Variants in PRRX2 observed in about 807,000 individuals in gnomAD.
PRRX2 encodes the protein paired mesoderm homeobox protein 2.
A neutral mutation model predicts 18.0 loss-of-function variants in PRRX2; 11 were observed. The ratio of observed to expected loss-of-function variants is 0.61; its 90% CI spans 0.39 to 1.01. The LOEUF is 1.01. Ranked by LOEUF, PRRX2 falls within the 50% of genes least tolerant of loss-of-function variation. The probability of loss-of-function intolerance (pLI) is 0.01; values close to 1 mark genes in which losing one functional copy is unlikely to be tolerated. For synonymous variants in PRRX2, 177 were observed against 154.8 expected, an observed-to-expected ratio of 1.14 and a Z score of -1.06; for missense variants, 387 against 351.0, an observed-to-expected ratio of 1.10 and a Z score of -0.82.
intron 1 of PRRX2, among the ~76,000 whole-genome samples, chr9:129,681,311 G>T (rs1832225997): frequency 6.6e-6 from 1 of 152,218 alleles, no homozygotes; most frequent in Admixed American, 6.5e-5. Context: ...CCTGAGGTCA[G>T]GTGTTCGAGA....
At chr9:129,714,177 C>T (rs1250341908) in intron 1 of PRRX2, among the ~76,000 whole-genome samples, 1 of 151,592 alleles carries the variant, frequency 6.6e-6, no homozygotes, top group Non-Finnish European at 1.5e-5. Flanking sequence ...ATGTGGCGGA[C>T]GCCTGTAATC....
At chr9:129,701,436 C>A (rs1193707862) in intron 1 of PRRX2, among the ~76,000 whole-genome samples, 1 of 152,236 alleles carries the variant, frequency 6.6e-6, no homozygotes, top group Admixed American at 6.5e-5. Context: ...CTGAGTCTCA[C>A]AGAGCTCACA....
rs150293718 is a variant in PRRX2, at chr9:129,722,246, C to T, written c.656C>T (p.Ser219Leu). The T allele has an allele frequency of 1.9e-5, 31 of 1,613,838 alleles. No homozygotes were observed. The African/African-American group carries it at 3.7e-4, about 19-fold the overall frequency. The change falls in exon 4 of 4, where the codon TCA becomes TTA. Residue 219 changes from serine (S) to leucine (L), a missense_variant. Ser to Leu is a moderately radical substitution (Grantham distance 145). Transcript: ENST00000372469. ...STVPPYSPGS[S>L]GPATPGVNMA... is the part of the protein sequence containing the mutation. ...GTGCCACCCTACAGCCCTGGGAGCT[C>T]AGGCCCCGCAACCCCAGGGGTCAAC...
intron 2 of PRRX2, 140 bp downstream of exon 2, chr9:129,719,558 C>T (rs888151862): frequency 9.0e-7 from 1 of 1,117,132 alleles, no homozygotes; most frequent in Non-Finnish European, 1.2e-6. Flanking sequence ...GTTCAGATCC[C>T]AGCCCTGCCA....
chr9:129,685,610 T>C (rs1564147744), intron 1 of PRRX2, among the ~76,000 whole-genome samples: 2 of 152,298 alleles, frequency 1.3e-5, no homozygotes, highest in African/African-American at 2.4e-5. Context: ...CCCAAAGTGT[T>C]GGGACTACAG....
intron 1 of PRRX2, among the ~76,000 whole-genome samples, chr9:129,701,519 C>T (rs1446953042): frequency 2.0e-5 from 3 of 152,146 alleles, no homozygotes; most frequent in Admixed American, 6.5e-5. Context: ...GCAGGTTGTC[C>T]ACTGCATAAC....
In PRRX2 at chr9:129,719,382, T is replaced by G. The variant is rs774394592; in HGVS notation, c.411T>G (p.Leu137=). The G allele has an allele frequency of 2.6e-6, 4 of 1,554,912 alleles. No individual in the cohort carries two copies. In the South Asian group the frequency reaches 4.7e-5, roughly 18 times the overall value. The stretch of plus-strand genomic sequence containing the variant: ...CCGACGCCTTTGTGCGCGAGGAGCT[T>G]GCCCGGCGCGTCAACCTCAGCGAGG... ...HYPDAFVREE[L]ARRVNLSEAR... The change falls in exon 2 of 4, where the codon CTT becomes CTG. Residue 137 remains leucine, a synonymous_variant. Coordinates refer to ENST00000372469, the MANE Select transcript of PRRX2 (RefSeq NM_016307.4).
chr9:129,713,774 G>A (rs1256056070), intron 1 of PRRX2, among the ~76,000 whole-genome samples: 2 of 151,704 alleles, frequency 1.3e-5, no homozygotes, highest in Non-Finnish European at 2.9e-5. Context: ...GGAATTACAG[G>A]TGCCCGCCAC....
chr9:129,708,709 T>G (rs878985299), intron 1 of PRRX2, among the ~76,000 whole-genome samples: 1 of 152,266 alleles, frequency 6.6e-6, no homozygotes, highest in Non-Finnish European at 1.5e-5. Context: ...CTTGTGTTTT[T>G]GATGTCACAT....
intron 2 of PRRX2, among the ~76,000 whole-genome samples, chr9:129,719,842 C>T (rs1256018350): frequency 1.3e-5 from 2 of 152,112 alleles, no homozygotes; most frequent in East Asian, 3.9e-4. Flanking sequence ...CAAAAATTAT[C>T]CGGGCGTGCT....
intron 1 of PRRX2, among the ~76,000 whole-genome samples, chr9:129,679,723 A>G (rs1044416427): frequency 6.6e-5 from 10 of 152,110 alleles, no homozygotes; most frequent in African/African-American, 2.4e-4. Flanking sequence ...GCTGAACGAA[A>G]CCAGAGGTGA....
intron 1 of PRRX2, among the ~76,000 whole-genome samples, chr9:129,678,274 CT>C (rs1302939951): frequency 6.6e-6 from 1 of 152,008 alleles, no homozygotes; most frequent in Non-Finnish European, 1.5e-5. Context: ...TAGGGGGCGG[CT>C]TTTTCAAGGG....
intron 1 of PRRX2, among the ~76,000 whole-genome samples, chr9:129,669,024 A>T (rs1249106386): frequency 6.6e-6 from 1 of 151,628 alleles, no homozygotes. Flanking sequence ...ACAGACGCCT[A>T]TAATCCCAGC....
At chr9:129,721,668 C>T (rs1442910692) in intron 3 of PRRX2, among the ~76,000 whole-genome samples, 1 of 152,154 alleles carries the variant, frequency 6.6e-6, no homozygotes, top group Non-Finnish European at 1.5e-5. Flanking sequence ...CAACCTCCGC[C>T]TCCCAGGCTC....
chr9:129,677,587 GA>G (rs1246522550), intron 1 of PRRX2, among the ~76,000 whole-genome samples: 1 of 152,246 alleles, frequency 6.6e-6, no homozygotes, highest in African/African-American at 2.4e-5. Context: ...CACCCATGCA[GA>G]CACTGGGCCG....
intron 1 of PRRX2, among the ~76,000 whole-genome samples, chr9:129,679,369 C>T (rs1401130616): frequency 6.6e-6 from 1 of 152,028 alleles, no homozygotes; most frequent in East Asian, 1.9e-4. Flanking sequence ...CTGTGAGGGC[C>T]CACCTCCATC....
chr9:129,686,040 C>T (rs1471236330), intron 1 of PRRX2, among the ~76,000 whole-genome samples: 1 of 152,182 alleles, frequency 6.6e-6, no homozygotes, highest in Non-Finnish European at 1.5e-5. Context: ...AAAAGTCTTC[C>T]AGCCAGGGGG....
chr9:129,702,586 G>A lies in PRRX2; in HGVS notation c.260-16645G>A, dbSNP rs550008429. Among the ~76,000 whole-genome samples, 135 of 152,342 alleles carry A rather than the reference G, an allele frequency of 8.9e-4. 1 individual carries two copies. Among genetic ancestry groups the A allele is most frequent in the African/African-American group, 3.0e-3 (125 of 41,578 alleles). On this transcript the variant is annotated intron_variant, in intron 1 of 3. Transcript: ENST00000372469. ...GTGAGAATTTCATTGAGATGGCCACGTGCAGCTCGTTGCTCCCACGTTGGA... is the reference window on the plus strand; with the variant it reads ...GTGAGAATTTCATTGAGATGGCCACATGCAGCTCGTTGCTCCCACGTTGGA...
At chr9:129,681,984 AT>A (rs1832237673) in intron 1 of PRRX2, among the ~76,000 whole-genome samples, 1 of 151,480 alleles carries the variant, frequency 6.6e-6, no homozygotes, top group African/African-American at 2.4e-5. Flanking sequence ...GGCGCCGAGA[AT>A]TTTCCTCCCT....
Sources: gnomAD v4.1 joint callset for allele counts (sites outside exome capture counted in the v4.1 genomes callset) on GRCh38, gnomAD v4.1.1 for gene constraint, MANE v1.5 for transcripts, NCBI Gene and HGNC (gene_info 2026-07-23, HGNC 2026-07-21) for gene names.